Variants in EYA2 observed in about 807,000 individuals in gnomAD.
The protein encoded by EYA2 is EYA transcriptional coactivator and phosphatase 2, also known as protein phosphatase EYA2.
EYA2 carries 31 observed loss-of-function variants against 69.2 expected under a neutral mutation model. The ratio of observed to expected loss-of-function variants is 0.45; its 90% CI spans 0.34 to 0.60. The LOEUF (loss-of-function observed/expected upper bound fraction) is 0.60. EYA2 is among the 20% of genes least tolerant of loss of function. The pLI is 0.02. For synonymous variants in EYA2, 257 were observed against 279.4 expected, an observed-to-expected ratio of 0.92 and a Z score of 0.80; for missense variants, 622 against 701.2, an observed-to-expected ratio of 0.89 and a Z score of 1.28.
chr20:47,006,310 G>A (rs6018227), intron 4 of EYA2, among the ~76,000 whole-genome samples: 1 of 152,222 alleles, frequency 6.6e-6, no homozygotes, highest in Non-Finnish European at 1.5e-5. Context: ...CTGATCTGAA[G>A]GTGAGGCAGG....
At chr20:47,033,699 G>C (rs1984544083) in intron 5 of EYA2, among the ~76,000 whole-genome samples, 1 of 152,200 alleles carries the variant, frequency 6.6e-6, no homozygotes, top group African/African-American at 2.4e-5. Flanking sequence ...GCCTAGGCCA[G>C]AGCATTCAAT....
chr20:47,166,824 G>A (rs546005671), intron 10 of EYA2: 2 of 152,254 alleles, frequency 1.3e-5, no homozygotes, highest in Non-Finnish European at 2.9e-5. Context: ...TGAGGGTCAT[G>A]CCCCTCACTC....
chr20:46,921,203 G>C (rs1318098264), intron 1 of EYA2, among the ~76,000 whole-genome samples: 1 of 152,246 alleles, frequency 6.6e-6, no homozygotes, highest in Non-Finnish European at 1.5e-5. Context: ...GCAATGCGCC[G>C]GCCCTCGCCT....
At chr20:46,937,649 AT>A (rs5841661) in intron 1 of EYA2, among the ~76,000 whole-genome samples, 3,530 of 128,408 alleles carry the variant, frequency 0.027, 68 homozygotes, top group African/African-American at 0.072. Context: ...TCATGCCTTG[AT>A]TTTTTTTTTT....
chr20:47,051,949 A>T lies in EYA2; in HGVS notation c.416-20236A>T, dbSNP rs2030359462. On this transcript the variant is annotated intron_variant, in intron 5 of 15. Transcript: ENST00000327619. ...GCCCAGCAATCAGTAACTATTGCTA[A>T]TGTCAACTCATTCACTTTTTTCATT... 1.3e-5 allele frequency among the ~76,000 whole-genome samples: 2 copies of T among 152,238 alleles called. 1 individual carries two copies. Among genetic ancestry groups the T allele is most frequent in the South Asian group, 4.1e-4 (2 of 4,836 alleles).
At chr20:46,927,896 G>A (rs1985486629) in intron 1 of EYA2, among the ~76,000 whole-genome samples, 1 of 152,152 alleles carries the variant, frequency 6.6e-6, no homozygotes, top group South Asian at 2.1e-4. Flanking sequence ...GATCGGGTGA[G>A]GTAATGCAGT....
intron 10 of EYA2, among the ~76,000 whole-genome samples, chr20:47,152,403 A>G (rs1401867626): frequency 1.4e-5 from 2 of 146,264 alleles, no homozygotes; most frequent in Non-Finnish European, 3.0e-5. Context: ...TTTTTTTCTC[A>G]AAGAGTGGGC....
intron 5 of EYA2, among the ~76,000 whole-genome samples, chr20:47,058,311 G>A (rs2030731568): frequency 6.6e-6 from 1 of 152,236 alleles, no homozygotes; most frequent in Non-Finnish European, 1.5e-5. Context: ...CTGTAGGGGT[G>A]TAGGATGTGG....
At chr20:46,989,234 C>T (rs1981488852) in intron 1 of EYA2, among the ~76,000 whole-genome samples, 1 of 152,012 alleles carries the variant, frequency 6.6e-6, no homozygotes, top group African/African-American at 2.4e-5. Context: ...GACACTTACG[C>T]CTTTTGAGCT....
chr20:46,942,921 A>T (rs539650031), intron 1 of EYA2, among the ~76,000 whole-genome samples: 2 of 152,254 alleles, frequency 1.3e-5, no homozygotes, highest in Admixed American at 1.3e-4. Context: ...ACGTGCTACC[A>T]CGTCTGGCTA....
intron 1 of EYA2, among the ~76,000 whole-genome samples, chr20:46,984,593 G>A (rs1224095770): frequency 2.0e-5 from 3 of 152,174 alleles, no homozygotes; most frequent in African/African-American, 7.2e-5. Context: ...CCAAGTGTTA[G>A]CAGGAAATTG....
chr20:47,161,129 C>T, intron 10 of EYA2: 1 of 325,852 alleles, frequency 3.1e-6, no homozygotes, highest in Non-Finnish European at 5.7e-6. Context: ...GCCAGTGCCC[C>T]TGGGTGCAGG....
intron 9 of EYA2, among the ~76,000 whole-genome samples, chr20:47,114,287 A>G (rs1009630016): frequency 6.6e-6 from 1 of 152,154 alleles, no homozygotes; most frequent in Non-Finnish European, 1.5e-5. Context: ...TTTAAGGGTG[A>G]CGTTTTTAGC....
chr20:46,945,825 CG>C (rs1380744697), intron 1 of EYA2, among the ~76,000 whole-genome samples: 2 of 152,180 alleles, frequency 1.3e-5, no homozygotes, highest in Admixed American at 6.5e-5. Context: ...AGACCTTCTG[CG>C]GCTCTTTGCT....
At chr20:46,930,789 G>A (rs776789853) in intron 1 of EYA2, among the ~76,000 whole-genome samples, 3 of 152,234 alleles carry the variant, frequency 2.0e-5, no homozygotes, top group Non-Finnish European at 4.4e-5. Flanking sequence ...GAGGAAGCAA[G>A]CTGTTTGGAC....
chr20:47,089,354 G>A lies in EYA2; in HGVS notation c.777G>A (p.Pro259=), dbSNP rs754700478. 71 of 1,613,878 alleles carry A rather than the reference G, an allele frequency of 4.4e-5. No homozygotes were observed. The highest frequency in any genetic ancestry group is 5.3e-5 in the Non-Finnish European group (62 of 1,179,974). ...LRGRSKRSSD[P]SPAGDNEIER... is the part of the protein sequence containing the mutation. ...GCCGGTCTAAGAGGAGCAGTGACCC[G>A]TCCCCGGCAGGGGACAATGAGATTG... is the stretch of plus-strand genomic sequence containing the variant. Residue 259 remains proline (P), a synonymous_variant, in exon 8 of 16, where the codon CCG becomes CCA. Coordinates refer to ENST00000327619, the MANE Select transcript of EYA2 (RefSeq NM_005244.5).
chr20:47,170,933 T>C (rs902443396), intron 11 of EYA2, among the ~76,000 whole-genome samples: 71 of 152,368 alleles, frequency 4.7e-4, no homozygotes, highest in African/African-American at 1.6e-3. Context: ...CCTGCAAGTC[T>C]TTTCAAAGCC....
intron 1 of EYA2, among the ~76,000 whole-genome samples, chr20:46,948,676 C>T (rs1301838552): frequency 1.3e-5 from 2 of 152,104 alleles, no homozygotes; most frequent in Non-Finnish European, 2.9e-5. Context: ...GTGTTTCTCT[C>T]GTAAGGTTGC....
intron 15 of EYA2, 53 bp from the exon 16 acceptor site, chr20:47,188,000 A>C: frequency 3.8e-5 from 58 of 1,515,372 alleles, no homozygotes; most frequent in Non-Finnish European, 4.8e-5. Context: ...CAGGCGTGGA[A>C]CCCGGGGGCA....
Sources: gnomAD v4.1 joint callset for allele counts (sites outside exome capture counted in the v4.1 genomes callset) on GRCh38, gnomAD v4.1.1 for gene constraint, MANE v1.5 for transcripts, NCBI Gene and HGNC (gene_info 2026-07-23, HGNC 2026-07-21) for gene names.